Variants in SYT9 observed in about 807,000 individuals in gnomAD.
SYT9 encodes synaptotagmin 9.
In SYT9, 22 loss-of-function variants were observed where a neutral mutation model predicts 48.4. The ratio of observed to expected loss-of-function variants is 0.45; its 90% confidence interval spans 0.32 to 0.65. The LOEUF is 0.65. Ranked by LOEUF, SYT9 falls within the 30% of genes least tolerant of loss-of-function variation. The pLI is 0.03. For synonymous variants in SYT9, 265 were observed against 245.0 expected (o/e 1.08, Z -0.76); for missense variants, 577 against 622.0 (o/e 0.93, Z 0.77).
At chr11:7,318,431 G>A (rs912268371) in intron 3 of SYT9, among the ~76,000 whole-genome samples, 2 of 151,600 alleles carry the variant, frequency 1.3e-5, no homozygotes, top group Admixed American at 6.6e-5. Context: ...CTCCTGCCTC[G>A]GCCTCCTGAG....
intron 3 of SYT9, among the ~76,000 whole-genome samples, chr11:7,319,717 T>G (rs1849306229): frequency 6.6e-6 from 1 of 152,188 alleles, no homozygotes; most frequent in Admixed American, 6.5e-5. Context: ...AATATCTGTT[T>G]AATAAGCAGG....
intron 6 of SYT9, among the ~76,000 whole-genome samples, chr11:7,463,452 T>A (rs1848267692): frequency 6.8e-6 from 1 of 148,080 alleles, no homozygotes; most frequent in Non-Finnish European, 1.5e-5. Context: ...TTGATTTGGT[T>A]GAGATTTTCT....
In SYT9 at chr11:7,252,442, C is replaced by A; in HGVS notation, c.145+111C>A. The A allele has an allele frequency of 8.3e-7, 1 of 1,197,906 alleles. No homozygotes were observed. Among genetic ancestry groups the A allele is most frequent in the Non-Finnish European group, 1.1e-6 (1 of 927,886 alleles). The allele number at this position is 1,197,906 out of a possible 1,614,324, so 74.2% of individuals were successfully genotyped here. ...ACGCGGACTGGGAGAGGGCGGGGGG[C>A]GGCCACCGAGCCAGGAGAGTGATCA... On this transcript the variant is annotated intron_variant, in intron 1 of 6. Transcript: ENST00000318881. This position sits in a 1 kb window ranked among gnomAD's most constrained non-coding sequence, Gnocchi z 6.3.
At chr11:7,245,748 T>C (rs1301503161) in intron 1 of SYT9, among the ~76,000 whole-genome samples, 1 of 152,220 alleles carries the variant, frequency 6.6e-6, no homozygotes, top group Non-Finnish European at 1.5e-5. Flanking sequence ...ACTCACCCTT[T>C]TATAACAGCA....
intron 5 of SYT9, among the ~76,000 whole-genome samples, chr11:7,419,575 C>A (rs1056140588): frequency 6.6e-6 from 1 of 152,076 alleles, no homozygotes; most frequent in African/African-American, 2.4e-5. Context: ...TGTCTCAAGG[C>A]GGGGACCTAC....
chr11:7,259,641 A>G (rs1848041962), intron 1 of SYT9, among the ~76,000 whole-genome samples: 1 of 151,968 alleles, frequency 6.6e-6, no homozygotes. Flanking sequence ...AAGACTGAAT[A>G]TTTTTTGTTT....
At chr11:7,408,171 C>G (rs760938524) in intron 3 of SYT9, among the ~76,000 whole-genome samples, 1 of 152,112 alleles carries the variant, frequency 6.6e-6, no homozygotes, top group African/African-American at 2.4e-5. Flanking sequence ...CTCTGTTGCC[C>G]AGGCTGGAGT....
chr11:7,321,063 C>T (rs537727229), intron 3 of SYT9, among the ~76,000 whole-genome samples: 25 of 152,028 alleles, frequency 1.6e-4, no homozygotes, highest in Admixed American at 1.3e-4. Context: ...GAAACTGGTT[C>T]GGAGACTGTC....
chr11:7,310,681 C>G (rs549681499), intron 2 of SYT9, among the ~76,000 whole-genome samples: 1 of 151,182 alleles, frequency 6.6e-6, no homozygotes, highest in African/African-American at 2.4e-5. Flanking sequence ...CTCCTGACCT[C>G]GTGATCCGCC....
At chr11:7,397,180 G>A (rs1343943797) in intron 3 of SYT9, among the ~76,000 whole-genome samples, 1 of 152,054 alleles carries the variant, frequency 6.6e-6, no homozygotes, top group Non-Finnish European at 1.5e-5. Context: ...TTCATACAAA[G>A]TGAACAAAAC....
At chr11:7,338,059 G>A (rs1849657755) in intron 3 of SYT9, among the ~76,000 whole-genome samples, 1 of 152,256 alleles carries the variant, frequency 6.6e-6, no homozygotes, top group Non-Finnish European at 1.5e-5. Flanking sequence ...GGCCTGTTAA[G>A]GGATTCTGTT....
At chr11:7,407,317 T>C (rs1269077074) in intron 3 of SYT9, among the ~76,000 whole-genome samples, 1 of 151,812 alleles carries the variant, frequency 6.6e-6, no homozygotes, top group East Asian at 1.9e-4. Context: ...TTCTCCATTT[T>C]TTTAGTAGTT....
chr11:7,267,998 C>T (rs1182685769), intron 1 of SYT9, among the ~76,000 whole-genome samples: 1 of 151,962 alleles, frequency 6.6e-6, no homozygotes, highest in Non-Finnish European at 1.5e-5. Flanking sequence ...TCATAAACAT[C>T]TCAGAGTGAG....
intron 6 of SYT9, among the ~76,000 whole-genome samples, chr11:7,433,085 G>A (rs1847642047): frequency 2.6e-5 from 4 of 152,044 alleles, no homozygotes. Flanking sequence ...TGCTAGTGAG[G>A]GAGTTCTTGC....
At chr11:7,416,957 T>C (rs1847262376) in intron 4 of SYT9, among the ~76,000 whole-genome samples, 1 of 152,046 alleles carries the variant, frequency 6.6e-6, no homozygotes, top group Admixed American at 6.5e-5. Context: ...GAATTTTAGA[T>C]TTTTCCAGTA....
intron 6 of SYT9, among the ~76,000 whole-genome samples, chr11:7,465,011 C>T (rs1352654307): frequency 6.6e-6 from 1 of 151,704 alleles, no homozygotes; most frequent in Non-Finnish European, 1.5e-5. Flanking sequence ...TGGCATGAAC[C>T]CGGGAGGTGG....
intron 6 of SYT9, among the ~76,000 whole-genome samples, chr11:7,464,556 G>T (rs1218509936): frequency 6.6e-6 from 1 of 152,136 alleles, no homozygotes; most frequent in East Asian, 1.9e-4. Context: ...AACTTGTAAA[G>T]TCCATATCCC....
chr11:7,313,844 A>G lies in SYT9; in HGVS notation c.947A>G (p.His316Arg). 6.2e-7 allele frequency: 1 copy of G among 1,614,200 alleles called. No homozygotes were observed. The highest frequency in any genetic ancestry group is 8.5e-7 in the Non-Finnish European group (1 of 1,180,010). ...TACGACTTTGACAGGTTCTCTCGTC[A>G]TGACTTAATCGGCCAAGTGGTGGTG... ...SVYDFDRFSR[H>R]DLIGQVVVDH... Residue 316 changes from histidine to arginine, a missense_variant, in exon 3 of 7, where the codon CAT becomes CGT. By Grantham distance (29) the His-to-Arg change is conservative. Transcript: ENST00000318881.
At chr11:7,368,551 T>C (rs1217230644) in intron 3 of SYT9, among the ~76,000 whole-genome samples, 1 of 152,148 alleles carries the variant, frequency 6.6e-6, no homozygotes, top group East Asian at 1.9e-4. Context: ...GTGTGTGATA[T>C]TCCCCTCCCT....
Sources: allele counts gnomAD v4.1 joint callset (sites outside exome capture counted in the v4.1 genomes callset), GRCh38; gene constraint gnomAD v4.1.1; non-coding constraint Gnocchi (gnomAD v3.1); transcripts MANE v1.5; gene names NCBI Gene and HGNC (gene_info 2026-07-23, HGNC 2026-07-21).